TMEM120B: variants seen among roughly 807,000 people sequenced by gnomAD.
TMEM120B encodes the protein transmembrane protein 120B.
Under a neutral mutation model 55.5 loss-of-function variants are expected in TMEM120B, and 31 were observed. The ratio of observed to expected loss-of-function variants is 0.56; its 90% confidence interval spans 0.42 to 0.75. The LOEUF (loss-of-function observed/expected upper bound fraction) is 0.75. TMEM120B is among the 30% of genes least tolerant of loss of function. TMEM120B has a pLI of 0.00. For missense variants in TMEM120B, 399 were observed against 425.5 expected (o/e 0.94, Z 0.55); for synonymous variants, 203 against 176.3 (o/e 1.15, Z -1.20).
Position 121,781,439 on chromosome 12 carries a change from C to A in TMEM120B, c.*5717C>A. The A allele has an allele frequency of 4.3e-6, 2 of 462,094 alleles. No homozygotes were observed. Among genetic ancestry groups the A allele is most frequent in the East Asian group, 4.2e-5 (1 of 23,818 alleles). The allele number at this position is 462,094 out of a possible 1,614,324, so 28.6% of individuals were successfully genotyped here. ...TGAGCCGTGATCATGCCACTGCACT[C>A]CAGCCTGGGTGACAGAGCGAGACCC... On this transcript the variant is annotated 3_prime_UTR_variant, in exon 12 of 12. Coordinates refer to ENST00000449592, the MANE Select transcript of TMEM120B (RefSeq NM_001080825.2).
rs566900514 is a variant in TMEM120B at position 121,764,959 on chromosome 12, C to T, written c.551+3221C>T. ...GAGAGCAGGGATGGTTGTCCCTGAG[C>T]TTGCAATTCAAAGCTTCGTGTGAGT... On this transcript the variant is annotated intron_variant, in intron 6 of 11. Coordinates refer to ENST00000449592, the MANE Select transcript of TMEM120B (RefSeq NM_001080825.2). Among the ~76,000 whole-genome samples, 5 of 152,212 alleles carry T rather than the reference C, an allele frequency of 3.3e-5. No homozygotes were observed. In the South Asian group the frequency reaches 1.0e-3, roughly 32 times the overall value.
chr12:121,719,592 T>C (rs1894758095), intron 1 of TMEM120B, among the ~76,000 whole-genome samples: 2 of 151,986 alleles, frequency 1.3e-5, no homozygotes, highest in African/African-American at 4.8e-5. Flanking sequence ...TCTCAAAAAA[T>C]GTTTTTTTCT....
chr12:121,746,564 C>T (rs1000980910), intron 2 of TMEM120B, among the ~76,000 whole-genome samples: 2 of 152,012 alleles, frequency 1.3e-5, no homozygotes, highest in Non-Finnish European at 2.9e-5. Flanking sequence ...AACTCATGGC[C>T]TCAAGTGATC....
At chr12:121,763,146 C>T (rs930902273) in intron 6 of TMEM120B, among the ~76,000 whole-genome samples, 2 of 149,644 alleles carry the variant, frequency 1.3e-5, no homozygotes, top group African/African-American at 2.4e-5. Flanking sequence ...GCCATTGGAA[C>T]CTCGGCATGC....
intron 1 of TMEM120B, among the ~76,000 whole-genome samples, chr12:121,732,003 G>C (rs1895012395): frequency 6.6e-6 from 1 of 152,158 alleles, no homozygotes; most frequent in Non-Finnish European, 1.5e-5. Context: ...TGGGCGTGGT[G>C]GCGGGCGCCT....
intron 6 of TMEM120B, among the ~76,000 whole-genome samples, chr12:121,769,939 T>A (rs1281135684): frequency 6.6e-6 from 1 of 152,014 alleles, no homozygotes; most frequent in East Asian, 1.9e-4. Context: ...GGCAGTGTGA[T>A]CCGAGTGGGG....
At chr12:121,728,009 C>T (rs1219186439) in intron 1 of TMEM120B, among the ~76,000 whole-genome samples, 1 of 151,742 alleles carries the variant, frequency 6.6e-6, no homozygotes. Context: ...TTGACACTCA[C>T]TTTTCTTTTT....
intron 1 of TMEM120B, among the ~76,000 whole-genome samples, 168 bp downstream of exon 1, chr12:121,713,132 C>T (rs1226826069): frequency 6.6e-6 from 1 of 151,888 alleles, no homozygotes; most frequent in Non-Finnish European, 1.5e-5. Context: ...CATCACCCGG[C>T]GCTTCAGCTC....
chr12:121,777,566 CT>C lies in TMEM120B; in HGVS notation c.*1845del, dbSNP rs1382682350. 4 of 152,274 alleles carry C rather than the reference CT, an allele frequency of 2.6e-5. No individual in the cohort carries two copies. The highest frequency in any genetic ancestry group is 4.4e-5 in the Non-Finnish European group (3 of 68,064). 9.4% of individuals were successfully genotyped at this position (152,274 alleles called of 1,614,324 possible). ...AGTTGCCACAGGCCCTGCCACCCCC[CT>C]GCCCTTCATTCTGGTCTCCTTTCTG... On this transcript the variant is annotated 3_prime_UTR_variant, in exon 12 of 12. Transcript: ENST00000449592.
chr12:121,759,043 T>C (rs908790859), intron 5 of TMEM120B: 2 of 984,758 alleles, frequency 2.0e-6, no homozygotes, highest in Non-Finnish European at 2.4e-6. Flanking sequence ...TAACAAAGTT[T>C]ACAGATGGTT....
rs1376315920 is a variant in TMEM120B at position 121,780,918 on chromosome 12, A to G, written c.*5196A>G. The G allele has an allele frequency of 1.2e-6, 2 of 1,613,842 alleles. No homozygotes were observed. The highest frequency in any genetic ancestry group is 1.3e-5 in the African/African-American group (1 of 74,912). ...CAGCTGGGCGGCCCGGAGCTTCCGCAGCTGCTCCTTGTCCTTCCTCAGGTC... is the reference window on the plus strand; with the variant it reads ...CAGCTGGGCGGCCCGGAGCTTCCGCGGCTGCTCCTTGTCCTTCCTCAGGTC... On this transcript the variant is annotated 3_prime_UTR_variant, in exon 12 of 12. Coordinates refer to ENST00000449592, the MANE Select transcript of TMEM120B (RefSeq NM_001080825.2).
chr12:121,723,587 C>T (rs574858956), intron 1 of TMEM120B, among the ~76,000 whole-genome samples: 6 of 152,268 alleles, frequency 3.9e-5, no homozygotes, highest in East Asian at 3.9e-4. Context: ...TCTCTTCTCC[C>T]GCCCTCCAGT....
chr12:121,772,918 T>G (rs1395361332), intron 8 of TMEM120B, among the ~76,000 whole-genome samples: 1 of 152,268 alleles, frequency 6.6e-6, no homozygotes, highest in East Asian at 1.9e-4. Flanking sequence ...ATGTATCTTT[T>G]ACAAGTATGG....
intron 1 of TMEM120B, among the ~76,000 whole-genome samples, chr12:121,719,149 C>T (rs1232305449): frequency 6.6e-6 from 1 of 152,052 alleles, no homozygotes; most frequent in Non-Finnish European, 1.5e-5. Flanking sequence ...CATATCTGCT[C>T]CTGAAGCCTA....
intron 5 of TMEM120B, chr12:121,759,105 A>G: frequency 1.1e-6 from 1 of 888,110 alleles, no homozygotes; most frequent in Non-Finnish European, 1.3e-6. Context: ...CCTAAAATAG[A>G]ACATAGAGTG....
chr12:121,770,466 G>C (rs1874003964), intron 6 of TMEM120B, among the ~76,000 whole-genome samples: 1 of 152,186 alleles, frequency 6.6e-6, no homozygotes, highest in African/African-American at 2.4e-5. Flanking sequence ...TCAGTCTGTA[G>C]GAGGCCCTGA....
At position 121,716,703 on chromosome 12, in the gene TMEM120B, C is replaced by T. The variant is rs1894709750; in HGVS notation, c.69+3739C>T. On this transcript the variant is annotated intron_variant, in intron 1 of 11. Transcript: ENST00000449592. ...TCAGCCTCCTGAGTAGCTGGGATTA[C>T]AGGCACCCGCCACCGTGCCCGGCTA... Among the ~76,000 whole-genome samples the T allele has an allele frequency of 1.3e-5, 2 of 151,748 alleles. 1 individual carries two copies. The highest frequency in any genetic ancestry group is 4.2e-4 in the South Asian group (2 of 4,816).
intron 6 of TMEM120B, among the ~76,000 whole-genome samples, chr12:121,769,189 C>G (rs1873947538): frequency 1.3e-5 from 2 of 149,928 alleles, no homozygotes; most frequent in African/African-American, 4.9e-5. Flanking sequence ...AAAAACCCAG[C>G]TGGGGGAGTG....
At chr12:121,758,897 G>A (rs1489751760) in intron 5 of TMEM120B, 1 of 982,604 alleles carries the variant, frequency 1.0e-6, no homozygotes, top group Admixed American at 6.3e-5. Flanking sequence ...CATGGAGGAG[G>A]ACGGCCTAGC....
Sources: gnomAD v4.1 joint callset for allele counts (sites outside exome capture counted in the v4.1 genomes callset) on GRCh38, gnomAD v4.1.1 for gene constraint, MANE v1.5 for transcripts, NCBI Gene and HGNC (gene_info 2026-07-23, HGNC 2026-07-21) for gene names.